The following CHRM2 variants were observed in gnomAD, a reference collection of about 807,000 sequenced individuals.
The protein encoded by CHRM2 is cholinergic receptor muscarinic 2, also known as muscarinic acetylcholine receptor M2.
CHRM2 carries 8 observed loss-of-function variants against 25.0 expected under a neutral mutation model. The ratio of observed to expected loss-of-function variants is 0.32; its 90% confidence interval spans 0.19 to 0.58. The LOEUF (loss-of-function observed/expected upper bound fraction) is 0.58. Among genes scored for constraint, CHRM2 ranks in the 20% least tolerant of loss-of-function variants. CHRM2 has a pLI of 0.88. For missense variants in CHRM2, 440 were observed against 567.1 expected (o/e 0.78, Z 2.28); for synonymous variants, 202 against 205.7 (o/e 0.98, Z 0.15).
At chr7:136,978,005 T>A (rs1347658427) in intron 2 of CHRM2, among the ~76,000 whole-genome samples, 1 of 150,856 alleles carries the variant, frequency 6.6e-6, no homozygotes, top group African/African-American at 2.4e-5. Context: ...GAGAGCCCTT[T>A]ACCCATTACT....
intron 2 of CHRM2, among the ~76,000 whole-genome samples, chr7:136,948,138 A>G (rs1377863159): frequency 6.6e-6 from 1 of 152,154 alleles, no homozygotes; most frequent in South Asian, 2.1e-4. Flanking sequence ...ATACAACAGC[A>G]AAGAGCCAGT....
chr7:136,982,728 TG>T (rs1395168198), intron 2 of CHRM2, among the ~76,000 whole-genome samples: 1 of 152,232 alleles, frequency 6.6e-6, no homozygotes, highest in African/African-American at 2.4e-5. Flanking sequence ...TATGAAATTC[TG>T]GGTTGAAAAT....
chr7:137,005,723 C>A (rs372168343), intron 3 of CHRM2, among the ~76,000 whole-genome samples: 7 of 152,076 alleles, frequency 4.6e-5, no homozygotes, highest in South Asian at 4.1e-4. Context: ...TTCTCTAGAA[C>A]AACTGCTTTT....
At position 137,007,935 on chromosome 7, in the gene CHRM2, T is replaced by C. The variant is rs531840706; in HGVS notation, c.-46-6885T>C. 2.6e-5 allele frequency among the ~76,000 whole-genome samples: 4 copies of C among 152,164 alleles called. No homozygotes were observed. In the East Asian group the frequency reaches 7.8e-4, roughly 30 times the overall value. ...TCTCTGGCATCATTAATGGAAGGAG[T>C]GATTATTGATAACATAATCTCAAAG... On this transcript the variant is annotated intron_variant, in intron 3 of 3. Coordinates refer to ENST00000680005, the MANE Select transcript of CHRM2 (RefSeq NM_001006630.2).
intron 2 of CHRM2, among the ~76,000 whole-genome samples, chr7:136,885,486 C>G (rs1343977236): frequency 6.6e-6 from 1 of 152,216 alleles, no homozygotes; most frequent in Non-Finnish European, 1.5e-5. Context: ...TTTAAACTTA[C>G]ATTTCTGTCC....
chr7:136,906,416 G>T (rs188336134), intron 2 of CHRM2, among the ~76,000 whole-genome samples: 1 of 151,020 alleles, frequency 6.6e-6, no homozygotes, highest in Non-Finnish European at 1.5e-5. Context: ...ATATGTGTTT[G>T]TGTGTGTATG....
At chr7:136,987,694 T>C (rs1292790545) in intron 2 of CHRM2, among the ~76,000 whole-genome samples, 1 of 152,176 alleles carries the variant, frequency 6.6e-6, no homozygotes, top group Non-Finnish European at 1.5e-5. Flanking sequence ...CAAGGATGCG[T>C]CAGTCGGAGC....
At position 137,014,942 on chromosome 7, in the gene CHRM2, T is replaced by C; in HGVS notation, c.77T>C (p.Ile26Thr). 6.2e-7 allele frequency: 1 copy of C among 1,613,318 alleles called. No individual in the cohort carries two copies. Among genetic ancestry groups the C allele is most frequent in the Non-Finnish European group, 8.5e-7 (1 of 1,179,560 alleles). ...SPYKTFEVVF[I>T]VLVAGSLSLV... ...TATAAGACATTTGAAGTGGTGTTTATTGTCCTGGTGGCTGGATCCCTCAGT... is the reference window on the plus strand; with the variant it reads ...TATAAGACATTTGAAGTGGTGTTTACTGTCCTGGTGGCTGGATCCCTCAGT... Residue 26 changes from isoleucine to threonine, a missense_variant, in exon 4 of 4, where the codon ATT becomes ACT. Transcript: ENST00000680005.
At chr7:136,930,299 C>A (rs541938725) in intron 2 of CHRM2, among the ~76,000 whole-genome samples, 1 of 151,810 alleles carries the variant, frequency 6.6e-6, no homozygotes, top group East Asian at 2.0e-4. Flanking sequence ...AGCCAGGCAT[C>A]GTGGCACACA....
At chr7:136,943,716 G>GCAGGGTCATGTTTCAAATTGATA (rs6150366) in intron 2 of CHRM2, among the ~76,000 whole-genome samples, 1 of 151,740 alleles carries the variant, frequency 6.6e-6, no homozygotes, top group Non-Finnish European at 1.5e-5. Flanking sequence ...GTTTTTCAAG[G>GCAGGGTCATGTTTCAAATTGATA]CAGTATCAAT....
intron 2 of CHRM2, among the ~76,000 whole-genome samples, chr7:136,954,364 CAT>C (rs1800595505): frequency 6.6e-6 from 1 of 152,178 alleles, no homozygotes; most frequent in Admixed American, 6.5e-5. Context: ...ATTCTCTCCA[CAT>C]GTTATCCTCA....
At chr7:136,982,780 T>C (rs1281154852) in intron 2 of CHRM2, among the ~76,000 whole-genome samples, 1 of 152,208 alleles carries the variant, frequency 6.6e-6, no homozygotes. Context: ...CCCACTCTCT[T>C]CTGGCTTGTA....
At chr7:136,879,926 C>G (rs761837425) in intron 2 of CHRM2, among the ~76,000 whole-genome samples, 1 of 151,698 alleles carries the variant, frequency 6.6e-6, no homozygotes, top group Non-Finnish European at 1.5e-5. Context: ...CAGTTTGAAC[C>G]GCAGGGGTCG....
intron 2 of CHRM2, among the ~76,000 whole-genome samples, chr7:136,921,216 T>C (rs770467546): frequency 8.6e-5 from 13 of 152,018 alleles, no homozygotes; most frequent in South Asian, 2.1e-4. Flanking sequence ...GGTCGTTCTG[T>C]CTCCTACACC....
chr7:136,975,351 C>T (rs1435014766), intron 2 of CHRM2, among the ~76,000 whole-genome samples: 1 of 152,096 alleles, frequency 6.6e-6, no homozygotes, highest in Non-Finnish European at 1.5e-5. Flanking sequence ...AAACATGGTC[C>T]ATAGCCTTTC....
At chr7:137,000,280 C>T (rs1461998312) in intron 3 of CHRM2, among the ~76,000 whole-genome samples, 6 of 137,298 alleles carry the variant, frequency 4.4e-5, no homozygotes, top group Admixed American at 8.2e-5. Flanking sequence ...CTCACTGCAA[C>T]CTCCACCTCC....
At chr7:136,931,793 G>T (rs1799120921) in intron 2 of CHRM2, among the ~76,000 whole-genome samples, 1 of 152,144 alleles carries the variant, frequency 6.6e-6, no homozygotes, top group Admixed American at 6.5e-5. Flanking sequence ...TTTACTTCCA[G>T]AGAGGTGACT....
chr7:137,015,435 G>A lies in CHRM2; in HGVS notation c.570G>A (p.Thr190=), dbSNP rs777593546. The change falls in exon 4 of 4, where the codon ACG becomes ACA. Residue 190 remains threonine, a synonymous_variant. Coordinates refer to ENST00000680005, the MANE Select transcript of CHRM2 (RefSeq NM_001006630.2). This position sits in a 1 kb window ranked among gnomAD's most constrained non-coding sequence, Gnocchi z 5.1. ...FFSNAAVTFG[T]AIAAFYLPVI... ...CCAATGCTGCTGTCACCTTTGGTAC[G>A]GCTATTGCAGCCTTCTATTTGCCAG... 2.3e-5 allele frequency: 37 copies of A among 1,613,214 alleles called. No homozygotes were observed. Among genetic ancestry groups the A allele is most frequent in the Non-Finnish European group, 3.0e-5 (35 of 1,179,624 alleles).
At chr7:136,967,438 A>T (rs1002344190) in intron 2 of CHRM2, among the ~76,000 whole-genome samples, 1 of 152,068 alleles carries the variant, frequency 6.6e-6, no homozygotes, top group Non-Finnish European at 1.5e-5. Context: ...AGATCTTAAC[A>T]TTATGGAAAA....
Sources: allele counts gnomAD v4.1 joint callset (sites outside exome capture counted in the v4.1 genomes callset), GRCh38; gene constraint gnomAD v4.1.1; non-coding constraint Gnocchi (gnomAD v3.1); transcripts MANE v1.5; gene names NCBI Gene and HGNC (gene_info 2026-07-23, HGNC 2026-07-21).